The following MAN1A1 variants were observed in gnomAD, a reference collection of about 807,000 sequenced individuals.
MAN1A1 encodes the protein mannosidase alpha class 1A member 1, also known as mannosyl-oligosaccharide 1,2-alpha-mannosidase IA.
In MAN1A1, 29 loss-of-function variants were observed where a neutral mutation model predicts 70.8. The ratio of observed to expected loss-of-function variants is 0.41; its 90% CI spans 0.31 to 0.56. The LOEUF (loss-of-function observed/expected upper bound fraction) is 0.56. Ranked by LOEUF, MAN1A1 falls within the 20% of genes least tolerant of loss-of-function variation. MAN1A1 has a pLI of 0.29. For missense variants in MAN1A1, 747 were observed against 841.3 expected (o/e 0.89, Z 1.39); for synonymous variants, 349 against 330.1 (o/e 1.06, Z -0.62).
chr6:119,246,467 G>A (rs1487069261), intron 6 of MAN1A1, among the ~76,000 whole-genome samples: 1 of 152,132 alleles, frequency 6.6e-6, no homozygotes, highest in Non-Finnish European at 1.5e-5. Flanking sequence ...TGTTCACAAA[G>A]TAACTACTGA....
At chr6:119,266,883 A>T (rs1775773089) in intron 5 of MAN1A1, among the ~76,000 whole-genome samples, 1 of 152,240 alleles carries the variant, frequency 6.6e-6, no homozygotes, top group African/African-American at 2.4e-5. Flanking sequence ...AACTCTTCAA[A>T]ATAATGAGAA....
intron 2 of MAN1A1, among the ~76,000 whole-genome samples, chr6:119,348,089 C>T (rs1386267963): frequency 6.6e-6 from 1 of 152,210 alleles, no homozygotes; most frequent in Non-Finnish European, 1.5e-5. Flanking sequence ...AAAGCCACGT[C>T]CCCAATCCTT....
intron 6 of MAN1A1, among the ~76,000 whole-genome samples, chr6:119,240,042 C>A (rs1264060304): frequency 1.3e-5 from 2 of 152,082 alleles, no homozygotes; most frequent in Admixed American, 1.3e-4. Context: ...TGAAATTTTC[C>A]TGGTGAGTTA....
At chr6:119,310,178 A>T (rs1772661034) in intron 2 of MAN1A1, among the ~76,000 whole-genome samples, 1 of 152,252 alleles carries the variant, frequency 6.6e-6, no homozygotes, top group Non-Finnish European at 1.5e-5. Flanking sequence ...AGAAAGAAAT[A>T]CGTTGGAATT....
rs1772902489 is a variant in MAN1A1 at position 119,318,040 on chromosome 6, G to A, written c.604-11048C>T. Among the ~76,000 whole-genome samples the A allele has an allele frequency of 2.0e-5, 3 of 152,100 alleles. No individual in the cohort carries two copies. In the South Asian group the frequency reaches 6.2e-4, roughly 32 times the overall value. On this transcript the variant is annotated intron_variant, in intron 2 of 12. Coordinates refer to ENST00000368468, the MANE Select transcript of MAN1A1 (RefSeq NM_005907.4). The stretch of plus-strand genomic sequence containing the variant: ...ATAACAGTTTTACAAATTATTATCT[G>A]GGCATAACAATAATAAAAATGTATA...
Position 119,240,377 on chromosome 6 carries a change from AC to A in MAN1A1, c.992+7882del, listed in dbSNP as rs144520095. 6.0e-3 allele frequency among the ~76,000 whole-genome samples: 906 copies of A among 152,256 alleles called. 30 individuals carry two copies. In the East Asian group the frequency reaches 0.091, roughly 15 times the overall value. On this transcript the variant is annotated intron_variant, in intron 6 of 12. Coordinates refer to ENST00000368468, the MANE Select transcript of MAN1A1 (RefSeq NM_005907.4). ...TAATTTATTGTTGAGTAAAACGTGAACCTGGTCATTCCATTCATGTCAATTT... is the reference window on the plus strand; with the variant it reads ...TAATTTATTGTTGAGTAAAACGTGAACTGGTCATTCCATTCATGTCAATTT...
chr6:119,193,963 A>T, intron 8 of MAN1A1, 71 bp from the exon 9 acceptor site: 1 of 872,116 alleles, frequency 1.1e-6, no homozygotes. Flanking sequence ...AAATCACATT[A>T]GCAACTAGGA....
chr6:119,290,626 A>G, intron 5 of MAN1A1, 57 bp downstream of exon 5: 2 of 1,250,906 alleles, frequency 1.6e-6, no homozygotes, highest in Non-Finnish European at 2.3e-6. Context: ...ATATTTTACC[A>G]AAAATGTAGT....
At chr6:119,240,903 T>A (rs1379379476) in intron 6 of MAN1A1, among the ~76,000 whole-genome samples, 1 of 152,202 alleles carries the variant, frequency 6.6e-6, no homozygotes, top group African/African-American at 2.4e-5. Context: ...AGAAGTGACC[T>A]CTGTTCCCTC....
chr6:119,318,558 T>C (rs1039852344), intron 2 of MAN1A1, among the ~76,000 whole-genome samples: 8 of 152,254 alleles, frequency 5.3e-5, no homozygotes, highest in Non-Finnish European at 1.2e-4. Flanking sequence ...CTCATTATTC[T>C]GGAAAAATTT....
chr6:119,347,891 C>A (rs1020006160), intron 2 of MAN1A1, among the ~76,000 whole-genome samples: 6 of 152,234 alleles, frequency 3.9e-5, no homozygotes, highest in African/African-American at 1.4e-4. Context: ...ATACAAGAGG[C>A]AGCCGACTGG....
At chr6:119,311,887 G>T (rs896946871) in intron 2 of MAN1A1, among the ~76,000 whole-genome samples, 3 of 152,102 alleles carry the variant, frequency 2.0e-5, no homozygotes, top group Non-Finnish European at 4.4e-5. Flanking sequence ...TGTAAGGCAG[G>T]CTCTAAATGC....
chr6:119,228,011 A>T (rs7357047), intron 6 of MAN1A1, among the ~76,000 whole-genome samples: 64,507 of 151,876 alleles, frequency 0.42, 14,348 homozygotes, highest in East Asian at 0.76. Context: ...AAAACTTTTT[A>T]AAAAATATGA....
intron 2 of MAN1A1, among the ~76,000 whole-genome samples, chr6:119,323,725 C>T (rs576830279): frequency 6.6e-6 from 1 of 152,120 alleles, no homozygotes; most frequent in Admixed American, 6.6e-5. Context: ...AATTCTGTAA[C>T]CACAAGAATG....
At position 119,314,052 on chromosome 6, in the gene MAN1A1, G is replaced by A. The variant is rs189063748; in HGVS notation, c.604-7060C>T. ...TGCAACCTCTACTTTACAGGCACGC[G>A]TCTAGAACTAACCACTCTGTTTTTA... On this transcript the variant is annotated intron_variant, in intron 2 of 12. Transcript: ENST00000368468. Among the ~76,000 whole-genome samples, 25 of 152,122 alleles carry A rather than the reference G, an allele frequency of 1.6e-4. No homozygotes were observed. In the East Asian group the frequency reaches 2.9e-3, roughly 18 times the overall value.
At chr6:119,298,658 G>A (rs1229195808) in intron 4 of MAN1A1, among the ~76,000 whole-genome samples, 1 of 149,518 alleles carries the variant, frequency 6.7e-6, no homozygotes, top group Non-Finnish European at 1.5e-5. Flanking sequence ...GTGCAGTGGT[G>A]CAATCTCAGC....
chr6:119,244,148 T>C (rs1459891330), intron 6 of MAN1A1, among the ~76,000 whole-genome samples: 1 of 152,080 alleles, frequency 6.6e-6, no homozygotes, highest in Non-Finnish European at 1.5e-5. Flanking sequence ...AGACTTGAAT[T>C]ACCTTTGCAA....
At chr6:119,325,097 C>A (rs1315952894) in intron 2 of MAN1A1, among the ~76,000 whole-genome samples, 1 of 152,160 alleles carries the variant, frequency 6.6e-6, no homozygotes, top group African/African-American at 2.4e-5. Context: ...ATAGTAGTTA[C>A]AATTCCAGAC....
Position 119,348,690 on chromosome 6 carries a change from C to T in MAN1A1, c.376G>A (p.Glu126Lys). ...TCCCTGAGAGCCCGCTCGTGGTTTT[C>T]GCGGATCCTGGCCAAGTTGTCCTCC... ...ALEDNLARIR[E>K]NHERALREAK... The change falls in exon 2 of 13, where the codon GAA becomes AAA. Residue 126 changes from glutamate to lysine, a missense_variant. Around this residue, in one of 2 missense-constraint regions of MAN1A1, gnomAD observed 328 missense variants for 293.1 expected, o/e 1.12. Coordinates refer to ENST00000368468, the MANE Select transcript of MAN1A1 (RefSeq NM_005907.4). 6.2e-7 allele frequency: 1 copy of T among 1,610,314 alleles called. No homozygotes were observed. The highest frequency in any genetic ancestry group is 8.5e-7 in the Non-Finnish European group (1 of 1,178,554).
Sources: gnomAD v4.1 joint callset for allele counts (sites outside exome capture counted in the v4.1 genomes callset) on GRCh38, gnomAD v4.1.1 for gene constraint, gnomAD v4.1.1 regional missense constraint, MANE v1.5 for transcripts, NCBI Gene and HGNC (gene_info 2026-07-23, HGNC 2026-07-21) for gene names.